The following ADAM12 variants were observed in gnomAD, a reference collection of about 807,000 sequenced individuals.
ADAM12 encodes the protein ADAM metallopeptidase domain 12, also known as disintegrin and metalloproteinase domain-containing protein 12.
In ADAM12, 70 loss-of-function variants were observed where a neutral mutation model predicts 106.4. That is an observed-to-expected ratio of 0.66 (90% confidence interval 0.54 to 0.80). The LOEUF is 0.80. Ranked by LOEUF, ADAM12 falls within the 30% of genes least tolerant of loss-of-function variation. ADAM12 has a pLI of 0.00. For synonymous variants in ADAM12, 420 were observed against 433.5 expected, an observed-to-expected ratio of 0.97 and a Z score of 0.39; for missense variants, 1,010 against 1,171.9, an observed-to-expected ratio of 0.86 and a Z score of 2.02.
At chr10:126,106,482 TC>T (rs1955770380) in intron 8 of ADAM12, among the ~76,000 whole-genome samples, 4 of 143,908 alleles carry the variant, frequency 2.8e-5, no homozygotes, top group African/African-American at 1.1e-4. Flanking sequence ...TTTTTCTTCT[TC>T]TTCTTTTTTT....
intron 6 of ADAM12, among the ~76,000 whole-genome samples, chr10:126,116,831 A>AG (rs1955992531): frequency 6.6e-6 from 1 of 152,182 alleles, no homozygotes; most frequent in Non-Finnish European, 1.5e-5. Flanking sequence ...CACAGGTATG[A>AG]GGGGAATTCT....
chr10:126,092,741 C>T (rs998809494), intron 11 of ADAM12, among the ~76,000 whole-genome samples: 2 of 152,134 alleles, frequency 1.3e-5, no homozygotes, highest in African/African-American at 4.8e-5. Context: ...GAAGCCTCTG[C>T]CCAAATGGGG....
At chr10:126,257,272 C>T (rs1487122650) in intron 3 of ADAM12, among the ~76,000 whole-genome samples, 1 of 152,208 alleles carries the variant, frequency 6.6e-6, no homozygotes, top group African/African-American at 2.4e-5. Flanking sequence ...AGCCCAGACA[C>T]CAGGTATGCC....
chr10:126,042,878 G>C (rs1372872260), intron 18 of ADAM12, among the ~76,000 whole-genome samples, 162 bp downstream of exon 18: 5 of 152,222 alleles, frequency 3.3e-5, no homozygotes, highest in Non-Finnish European at 7.3e-5. Flanking sequence ...AGGGATGAGA[G>C]GGGCATCTGG....
At chr10:126,359,122 C>A (rs1855650255) in intron 1 of ADAM12, among the ~76,000 whole-genome samples, 1 of 152,076 alleles carries the variant, frequency 6.6e-6, no homozygotes, top group South Asian at 2.1e-4. Flanking sequence ...TTCACTATCA[C>A]CAGAACAGCA....
chr10:126,135,412 C>A, intron 5 of ADAM12, 172 bp downstream of exon 5: 1 of 609,816 alleles, frequency 1.6e-6, no homozygotes, highest in Non-Finnish European at 2.9e-6. Flanking sequence ...GGTGGCCATG[C>A]TCTTGTAAGC....
intron 3 of ADAM12, among the ~76,000 whole-genome samples, chr10:126,224,580 G>A (rs1487555951): frequency 2.6e-5 from 4 of 152,308 alleles, no homozygotes; most frequent in Middle Eastern, 3.4e-3. Flanking sequence ...TGGGGGCGTT[G>A]CACGGCCCTT....
intron 1 of ADAM12, among the ~76,000 whole-genome samples, chr10:126,382,231 A>G (rs1856520514): frequency 6.6e-6 from 1 of 152,138 alleles, no homozygotes; most frequent in Non-Finnish European, 1.5e-5. Context: ...GAAAACCTGT[A>G]TAAGGAGAAG....
intron 14 of ADAM12, among the ~76,000 whole-genome samples, chr10:126,058,671 G>A (rs529900786): frequency 3.9e-4 from 59 of 152,310 alleles, no homozygotes; most frequent in Non-Finnish European, 5.3e-4. Context: ...AACTCTCTGC[G>A]CGCCCTGCCT....
chr10:126,083,067 G>A (rs934183959), intron 11 of ADAM12, among the ~76,000 whole-genome samples: 3 of 152,230 alleles, frequency 2.0e-5, no homozygotes, highest in Admixed American at 6.5e-5. Context: ...GTTCAGTGCC[G>A]TGGCAGGCCT....
chr10:126,321,905 C>A lies in ADAM12; in HGVS notation c.186+8507G>T, dbSNP rs1317229. ...CTCGCTTAACTTTCTACCTGGGGGT[C>A]GGGGGGGGGGCTTCAGCAACCTCAT... On this transcript the variant is annotated intron_variant, in intron 2 of 22. Coordinates refer to ENST00000448723, the MANE Select transcript of ADAM12 (RefSeq NM_001288973.2). 5.3e-5 allele frequency among the ~76,000 whole-genome samples: 5 copies of A among 94,160 alleles called. 1 individual carries two copies. The highest frequency in any genetic ancestry group is 7.9e-4 in the South Asian group (2 of 2,520). The allele number at this position is 94,160 out of a possible 152,430, so 61.8% of individuals were successfully genotyped here. A position where few individuals can be genotyped will look rare whatever the true frequency, so the allele number is the denominator to read the frequency against.
chr10:126,358,013 C>T (rs1855601534), intron 1 of ADAM12, among the ~76,000 whole-genome samples: 2 of 151,994 alleles, frequency 1.3e-5, no homozygotes, highest in Non-Finnish European at 2.9e-5. Context: ...GGCAGACAAA[C>T]ACCTCAAAAG....
chr10:126,058,962 C>T (rs1342385898), intron 14 of ADAM12, among the ~76,000 whole-genome samples: 1 of 152,172 alleles, frequency 6.6e-6, no homozygotes, highest in Non-Finnish European at 1.5e-5. Context: ...CATATTACAT[C>T]AATGTAGAGC....
At chr10:126,063,526 TTTCC>T (rs1954802549) in intron 14 of ADAM12, among the ~76,000 whole-genome samples, 1 of 152,144 alleles carries the variant, frequency 6.6e-6, no homozygotes, top group Admixed American at 6.5e-5. Context: ...TCCTATCAGG[TTTCC>T]CTCCCGCTAG....
chr10:126,194,742 A>T (rs1227209048), intron 3 of ADAM12, among the ~76,000 whole-genome samples: 2 of 152,242 alleles, frequency 1.3e-5, no homozygotes, highest in Non-Finnish European at 2.9e-5. Context: ...TTCAGGGTAG[A>T]AAGTTGCAAC....
chr10:126,367,687 T>A (rs2133914265), intron 1 of ADAM12, among the ~76,000 whole-genome samples: 1 of 152,110 alleles, frequency 6.6e-6, no homozygotes, highest in Non-Finnish European at 1.5e-5. Context: ...TTTACCAATT[T>A]TAGGAATTAA....
intron 4 of ADAM12, among the ~76,000 whole-genome samples, chr10:126,147,481 T>C (rs1956650617): frequency 1.3e-5 from 2 of 152,160 alleles, no homozygotes; most frequent in Admixed American, 6.5e-5. Context: ...TGTTCCCCTA[T>C]CACAACCAAG....
At chr10:126,041,819 T>C (rs994205212) in intron 18 of ADAM12, 2 of 1,170,904 alleles carry the variant, frequency 1.7e-6, no homozygotes, top group Non-Finnish European at 2.1e-6. Flanking sequence ...GACTTTTGAG[T>C]CCTCTTCCTC....
chr10:126,025,628 A>G (rs1953858149), intron 21 of ADAM12, among the ~76,000 whole-genome samples: 1 of 152,186 alleles, frequency 6.6e-6, no homozygotes, highest in South Asian at 2.1e-4. Context: ...GCCTTACGGA[A>G]GAGTGGCCAG....
Sources: gnomAD v4.1 joint callset for allele counts (sites outside exome capture counted in the v4.1 genomes callset) on GRCh38, gnomAD v4.1.1 for gene constraint, MANE v1.5 for transcripts, NCBI Gene and HGNC (gene_info 2026-07-23, HGNC 2026-07-21) for gene names.